Variants in PHOSPHO1 observed in about 807,000 individuals in gnomAD.
The protein encoded by PHOSPHO1 is phosphoethanolamine/phosphocholine phosphatase.
In PHOSPHO1, 6 loss-of-function variants were observed where a neutral mutation model predicts 17.7. The observed-to-expected ratio is 0.34, with a 90% CI of 0.19 to 0.67. The LOEUF (loss-of-function observed/expected upper bound fraction) is 0.67, where lower values mean the gene tolerates loss of function less well. Ranked by LOEUF, PHOSPHO1 falls within the 30% of genes least tolerant of loss-of-function variation. The pLI is 0.69. For missense variants in PHOSPHO1, 330 were observed against 392.1 expected, an observed-to-expected ratio of 0.84 and a Z score of 1.34; for synonymous variants, 159 against 174.6, an observed-to-expected ratio of 0.91 and a Z score of 0.71.
At chr17:49,225,493 A>C (rs187600386) in intron 2 of PHOSPHO1, 2 of 985,240 alleles carry the variant, frequency 2.0e-6, no homozygotes, top group Non-Finnish European at 2.4e-6. Context: ...CCATCCACCC[A>C]ACTGGACCAG....
Position 49,224,673 on chromosome 17 carries a change from G to A in PHOSPHO1, c.377C>T (p.Thr126Ile). The A allele has an allele frequency of 6.3e-7, 1 of 1,590,646 alleles. No individual in the cohort carries two copies. The highest frequency in any genetic ancestry group is 1.1e-5 in the South Asian group (1 of 88,456). Reference sequence around the variant, plus strand: ...GCGCAGCGAGCTCTCCACGCCAAAGGTGTTGGCATCGGAGATGAGAATCAC... The same window carrying A: ...GCGCAGCGAGCTCTCCACGCCAAAGATGTTGGCATCGGAGATGAGAATCAC... Reference protein sequence around the residue: ...FEVILISDANTFGVESSLRAA... With the variant: ...FEVILISDANIFGVESSLRAA... Residue 126 changes from threonine (T) to isoleucine (I), a missense_variant, in exon 3 of 3, where the codon ACC becomes ATC. Transcript: ENST00000310544.
At chr17:49,228,179 C>G (rs747033688) in intron 1 of PHOSPHO1, among the ~76,000 whole-genome samples, 25 of 152,060 alleles carry the variant, frequency 1.6e-4, no homozygotes, top group Non-Finnish European at 2.8e-4. Context: ...CAACAGCTAC[C>G]CAGAGACCAG....
intron 1 of PHOSPHO1, among the ~76,000 whole-genome samples, chr17:49,228,289 CTTCCTTCCTCCTTCCT>C (rs772702073): frequency 3.6e-4 from 27 of 75,792 alleles, no homozygotes; most frequent in Non-Finnish European, 6.7e-4. Context: ...TCCTTCCTTC[CTTCCTTCCTCCTTCCT>C]TCCTTCCTTC....
chr17:49,224,123 G>T lies in PHOSPHO1; in HGVS notation c.*123C>A. On this transcript the variant is annotated 3_prime_UTR_variant, in exon 3 of 3. Coordinates refer to ENST00000310544, the MANE Select transcript of PHOSPHO1 (RefSeq NM_178500.4). ...CCAAGCCCCCAAATACGAGATTCCAGAAATTCCCAGAGGGACATAACAAAG... is the reference window on the plus strand; with the variant it reads ...CCAAGCCCCCAAATACGAGATTCCATAAATTCCCAGAGGGACATAACAAAG... 2 of 1,358,460 alleles carry T rather than the reference G, an allele frequency of 1.5e-6. No homozygotes were observed. Among genetic ancestry groups the T allele is most frequent in the South Asian group, 1.6e-5 (1 of 64,362 alleles). The allele number at this position is 1,358,460 out of a possible 1,614,324, so 84.2% of individuals were successfully genotyped here.
intron 1 of PHOSPHO1, among the ~76,000 whole-genome samples, chr17:49,228,512 C>T (rs1598254417): frequency 6.6e-6 from 1 of 151,938 alleles, no homozygotes; most frequent in Admixed American, 6.6e-5. Context: ...AAATTAAGGC[C>T]GGGCGTGGTG....
In PHOSPHO1 at chr17:49,224,586, C is replaced by G; in HGVS notation, c.464G>C (p.Arg155Pro). 6.4e-7 allele frequency: 1 copy of G among 1,564,494 alleles called. No homozygotes were observed. The highest frequency in any genetic ancestry group is 1.3e-5 in the African/African-American group (1 of 74,178). Residue 155 changes from arginine to proline, a missense_variant, in exon 3 of 3, where the codon CGG becomes CCG. Transcript: ENST00000310544. ...GAACGGCCGCAGAGCCAGCAGTCCC[C>G]GCGCATCCGGCCCCGACGGGTTGCT... ...ILSNPSGPDA[R>P]GLLALRPFHT...
intron 2 of PHOSPHO1, chr17:49,225,725 G>A: frequency 7.8e-7 from 1 of 1,287,906 alleles, no homozygotes. Flanking sequence ...GGCAGCAGGA[G>A]AAGCAGTGGG....
Position 49,224,229 on chromosome 17 carries a change from C to G in PHOSPHO1, c.*17G>C, listed in dbSNP as rs764000625. 5.2e-6 allele frequency: 8 copies of G among 1,546,516 alleles called. No individual in the cohort carries two copies. The highest frequency in any genetic ancestry group is 1.4e-5 in the African/African-American group (1 of 73,368). On this transcript the variant is annotated 3_prime_UTR_variant, in exon 3 of 3. Coordinates refer to ENST00000310544, the MANE Select transcript of PHOSPHO1 (RefSeq NM_178500.4). Reference sequence around the variant, plus strand: ...CCTCCGCCGTTGGCCCGGGTACCCCCCTGCAGGCGGCCAGACTCAGCACGA... The same window carrying G: ...CCTCCGCCGTTGGCCCGGGTACCCCGCTGCAGGCGGCCAGACTCAGCACGA...
Position 49,224,375 on chromosome 17 carries a change from G to T in PHOSPHO1, c.675C>A (p.Gly225=). 1 of 1,554,606 alleles carries T rather than the reference G, an allele frequency of 6.4e-7. No homozygotes were observed. The change falls in exon 3 of 3, where the codon GGC becomes GGA. Residue 225 remains glycine (G), a synonymous_variant. Transcript: ENST00000310544. ...AGGDVAFPRR[G]YPMHRLIQEA... is the part of the protein sequence containing the mutation. ...CCTGAATGAGGCGGTGCATGGGGTA[G>T]CCGCGGCGCGGGAAGGCCACGTCGC... is the stretch of plus-strand genomic sequence containing the variant.
chr17:49,224,483 G>A lies in PHOSPHO1; in HGVS notation c.567C>T (p.Ala189=). ...GGCGCTCGAAGTGCACGCCGTCGTG[G>A]GCCCGCTCGCGCAGGTAGTCGCTGA... The part of the protein sequence containing the change: ...KVLSDYLRER[A]HDGVHFERLF... The change falls in exon 3 of 3, where the codon GCC becomes GCT. Residue 189 remains alanine, a synonymous_variant. Coordinates refer to ENST00000310544, the MANE Select transcript of PHOSPHO1 (RefSeq NM_178500.4). The A allele has an allele frequency of 6.4e-7, 1 of 1,568,354 alleles. No individual in the cohort carries two copies. Among genetic ancestry groups the A allele is most frequent in the Non-Finnish European group, 8.6e-7 (1 of 1,159,172 alleles).
intron 1 of PHOSPHO1, among the ~76,000 whole-genome samples, chr17:49,227,207 C>T (rs535449526): frequency 3.3e-5 from 5 of 152,310 alleles, no homozygotes; most frequent in African/African-American, 4.8e-5. Context: ...GCTTCATGAA[C>T]GCTTGACTGC....
intron 1 of PHOSPHO1, 131 bp from the exon 2 acceptor site, chr17:49,226,889 C>T: frequency 3.3e-6 from 2 of 611,466 alleles, no homozygotes; most frequent in East Asian, 2.8e-5. Flanking sequence ...AAAACAACCC[C>T]TCAAATAGGC....
At chr17:49,226,552 G>C in intron 2 of PHOSPHO1, 95 bp downstream of exon 2, 2 of 1,330,542 alleles carry the variant, frequency 1.5e-6, no homozygotes, top group Non-Finnish European at 2.1e-6. Flanking sequence ...CCTAAAACGG[G>C]CTGGATAGGG....
intron 2 of PHOSPHO1, chr17:49,225,714 G>C (rs1445672874): frequency 1.6e-6 from 2 of 1,288,694 alleles, no homozygotes; most frequent in South Asian, 2.5e-5. Context: ...CGAAGCAAGC[G>C]GGCAGCAGGA....
chr17:49,225,070 G>C (rs2043338579), intron 2 of PHOSPHO1, 66 bp from the exon 3 acceptor site: 1 of 1,446,346 alleles, frequency 6.9e-7, no homozygotes. Flanking sequence ...GGGCGCGGCA[G>C]GAGCCCGCCC....
chr17:49,227,645 C>T (rs1450818867), intron 1 of PHOSPHO1, among the ~76,000 whole-genome samples: 1 of 152,142 alleles, frequency 6.6e-6, no homozygotes, highest in Admixed American at 6.5e-5. Flanking sequence ...ACCCCTCTGT[C>T]AAGGTGACAC....
Position 49,224,438 on chromosome 17 carries a change from G to T in PHOSPHO1, c.612C>A (p.Gly204=). The T allele has an allele frequency of 6.4e-7, 1 of 1,554,388 alleles. No homozygotes were observed. Among genetic ancestry groups the T allele is most frequent in the Non-Finnish European group, 8.7e-7 (1 of 1,151,698 alleles). The part of the protein sequence containing the change: ...HFERLFYVGD[G]ANDFCPMGLL... ...GCCCCATGGGGCAGAAGTCGTTGGCGCCGTCGCCCACGTAGAAGAGGCGCT... is the reference window on the plus strand; with the variant it reads ...GCCCCATGGGGCAGAAGTCGTTGGCTCCGTCGCCCACGTAGAAGAGGCGCT... The change falls in exon 3 of 3, where the codon GGC becomes GGA. Residue 204 remains glycine (G), a synonymous_variant. Transcript: ENST00000310544.
At chr17:49,226,835 G>T (rs1243292098) in intron 1 of PHOSPHO1, 77 bp from the exon 2 acceptor site, 28 of 873,644 alleles carry the variant, frequency 3.2e-5, no homozygotes, top group Non-Finnish European at 5.2e-5. Context: ...ACCTGGCCCT[G>T]GTCCTTCTGC....
intron 2 of PHOSPHO1, chr17:49,225,443 TC>T: frequency 1.5e-5 from 15 of 985,334 alleles, no homozygotes; most frequent in Non-Finnish European, 1.8e-5. Flanking sequence ...AACTCTCCCC[TC>T]CCTCATTCCC....
Sources: gnomAD v4.1 joint callset for allele counts (sites outside exome capture counted in the v4.1 genomes callset) on GRCh38, gnomAD v4.1.1 for gene constraint, MANE v1.5 for transcripts, NCBI Gene and HGNC (gene_info 2026-07-23, HGNC 2026-07-21) for gene names.